Variants in PCLO observed in about 807,000 individuals in gnomAD.
PCLO encodes the protein protein piccolo.
Under a neutral mutation model 427.5 loss-of-function variants are expected in PCLO, and 82 were observed. The observed-to-expected ratio is 0.19, with a 90% CI of 0.16 to 0.23. PCLO has a LOEUF of 0.23. Ranked by LOEUF, PCLO falls within the 10% of genes least tolerant of loss-of-function variation. The pLI is 1.00. For synonymous variants in PCLO, 2,357 were observed against 2,155.4 expected, an observed-to-expected ratio of 1.09 and a Z score of -2.59; for missense variants, 6,239 against 6,115.9, an observed-to-expected ratio of 1.02 and a Z score of -0.67.
Position 83,106,052 on chromosome 7 carries a change from AAG to A in PCLO, c.3300+28196_3300+28197del, listed in dbSNP as rs1369133015. 1.1e-4 allele frequency among the ~76,000 whole-genome samples: 16 copies of A among 152,350 alleles called. No individual in the cohort carries two copies. The East Asian group carries it at 3.1e-3, about 29-fold the overall frequency. On this transcript the variant is annotated intron_variant, in intron 3 of 24. Coordinates refer to ENST00000333891, the MANE Select transcript of PCLO (RefSeq NM_033026.6). ...AGACTAGGTCATAGGACCCACACTA[AAG>A]AGATCGAGATGCAGAAGCAGCCATG...
intron 3 of PCLO, among the ~76,000 whole-genome samples, chr7:83,130,894 T>A (rs185398929): frequency 1.3e-5 from 2 of 152,348 alleles, no homozygotes; most frequent in East Asian, 3.9e-4. Context: ...AGCAAAATTA[T>A]GACTCCAGGA....
chr7:82,951,069 A>C lies in PCLO; in HGVS notation c.9519T>G (p.Leu3173=), dbSNP rs117636778. Residue 3173 remains leucine, a synonymous_variant, in exon 6 of 25, where the codon CTT becomes CTG. Transcript: ENST00000333891. ...ASLQTITMES[L]TAETIDSVPT... is the part of the protein sequence containing the mutation. ...GAACAGAGTCTATCGTCTCAGCAGT[A>C]AGAGACTCCATAGTAATAGTTTGCA... 8 of 1,613,786 alleles carry C rather than the reference A, an allele frequency of 5.0e-6. No homozygotes were observed. The South Asian group carries it at 7.7e-5, about 16-fold the overall frequency.
At chr7:82,903,634 A>T (rs576104301) in intron 8 of PCLO, among the ~76,000 whole-genome samples, 1 of 152,112 alleles carries the variant, frequency 6.6e-6, no homozygotes, top group Admixed American at 6.6e-5. Context: ...CAGAAATAGT[A>T]AGATATTTAC....
Position 83,024,845 on chromosome 7 carries a change from C to G in PCLO, c.3301-58358G>C, listed in dbSNP as rs1433613280. Reference sequence around the variant, plus strand: ...TGGGAGGCACCCCACAGCAGGGGTACACTGACACCTCACACGGCAGGGTAC... The same window carrying G: ...TGGGAGGCACCCCACAGCAGGGGTAGACTGACACCTCACACGGCAGGGTAC... On this transcript the variant is annotated intron_variant, in intron 3 of 24. Transcript: ENST00000333891. Among the ~76,000 whole-genome samples the G allele has an allele frequency of 8.5e-5, 13 of 152,130 alleles. No homozygotes were observed. In the East Asian group the frequency reaches 9.7e-4, roughly 11 times the overall value.
chr7:82,823,871 T>C (rs114428639), intron 19 of PCLO, among the ~76,000 whole-genome samples: 1,525 of 152,334 alleles, frequency 0.01, 16 homozygotes, highest in African/African-American at 0.034. Flanking sequence ...ATGATAATGA[T>C]GATTATGTCT....
intron 3 of PCLO, among the ~76,000 whole-genome samples, chr7:83,029,998 T>G (rs1788618972): frequency 7.1e-6 from 1 of 140,858 alleles, no homozygotes; most frequent in African/African-American, 2.6e-5. Flanking sequence ...CATTGGGAGA[T>G]ATACCTAATG....
intron 10 of PCLO, among the ~76,000 whole-genome samples, chr7:82,865,537 T>TAA (rs1793071536): frequency 1.3e-5 from 2 of 152,028 alleles, no homozygotes; most frequent in African/African-American, 2.4e-5. Flanking sequence ...TATACATTTA[T>TAA]ATGGTATATT....
chr7:83,026,698 C>T (rs972857333), intron 3 of PCLO, among the ~76,000 whole-genome samples: 2 of 152,070 alleles, frequency 1.3e-5, no homozygotes, highest in East Asian at 1.9e-4. Flanking sequence ...TGACCACATA[C>T]TTGGAAGTAA....
rs755764404 is a variant in PCLO at position 82,956,562 on chromosome 7, GAAATAGTAATTTCCAA to G, written c.4375_4390del (p.Leu1459GlnfsTer40). On this transcript the variant is annotated frameshift_variant, in exon 5 of 25. Transcript: ENST00000333891. LOFTEE classifies it high-confidence loss of function. ...TTGACTCTCTTTGATCTCCTCTTCT[GAAATAGTAATTTCCAA>G]GGTTTCAGATAAACTCTGAGTTTTC... 37 of 1,612,512 alleles carry G rather than the reference GAAATAGTAATTTCCAA, an allele frequency of 2.3e-5. No individual in the cohort carries two copies. In the African/African-American group the frequency reaches 4.4e-4, roughly 19 times the overall value.
chr7:82,971,764 A>T (rs1795913100), intron 3 of PCLO, among the ~76,000 whole-genome samples: 1 of 149,056 alleles, frequency 6.7e-6, no homozygotes, highest in African/African-American at 2.5e-5. Flanking sequence ...ATATATATGT[A>T]CTGAGAACAT....
intron 22 of PCLO, among the ~76,000 whole-genome samples, chr7:82,787,702 A>G (rs1562786197): frequency 6.6e-6 from 1 of 152,176 alleles, no homozygotes; most frequent in African/African-American, 2.4e-5. Context: ...TAAAACACCC[A>G]TAAACCAATG....
At chr7:83,131,234 C>T (rs73180559) in intron 3 of PCLO, among the ~76,000 whole-genome samples, 9,675 of 152,172 alleles carry the variant, frequency 0.064, 597 homozygotes, top group African/African-American at 0.16. Flanking sequence ...GTTAACGGAT[C>T]ATATTGCCAT....
chr7:83,084,643 A>G (rs190545277), intron 3 of PCLO, among the ~76,000 whole-genome samples: 2 of 152,226 alleles, frequency 1.3e-5, no homozygotes, highest in South Asian at 2.1e-4. Flanking sequence ...AGTGTACCTC[A>G]TAAGTTGTAG....
rs543690565 is a variant in PCLO at position 82,778,011 on chromosome 7, A to G, written c.15008-16518T>C. Among the ~76,000 whole-genome samples the G allele has an allele frequency of 1.2e-3, 187 of 152,342 alleles. 1 individual carries two copies. The highest frequency in any genetic ancestry group is 2.4e-3 in the Non-Finnish European group (165 of 68,022). ...GGGAGAAAATTTTTGCAAACTATGC[A>G]TCTGACAAATATCTAAATCTAATAT... On this transcript the variant is annotated intron_variant, in intron 22 of 24. Transcript: ENST00000333891.
At position 82,915,688 on chromosome 7, in the gene PCLO, A is replaced by T. The variant is rs183997649; in HGVS notation, c.12298T>A (p.Ser4100Thr). ...ACATAACTATGCAATCTAGAGGAAG[A>T]CTGTAAAGGTGCTAGGAAATCTGTC... ...EVTDFLAPLQSSSRLHSYVKA... is the reference protein window; with the variant it reads ...EVTDFLAPLQTSSRLHSYVKA... The change falls in exon 7 of 25, where the codon TCT (serine) becomes ACT (threonine). Residue 4100 changes from serine to threonine, a missense_variant. Around this residue, in one of 5 missense-constraint regions of PCLO, gnomAD observed 680 missense variants for 677.3 expected, o/e 1.00. Coordinates refer to ENST00000333891, the MANE Select transcript of PCLO (RefSeq NM_033026.6). The T allele has an allele frequency of 6.2e-7, 1 of 1,612,882 alleles. No homozygotes were observed. Among genetic ancestry groups the T allele is most frequent in the East Asian group, 2.2e-5 (1 of 44,664 alleles).
intron 3 of PCLO, among the ~76,000 whole-genome samples, chr7:83,013,366 C>T (rs1055985331): frequency 1.3e-5 from 2 of 152,102 alleles, no homozygotes; most frequent in Admixed American, 1.3e-4. Context: ...TTATATATGC[C>T]TTCTCGTATA....
intron 6 of PCLO, among the ~76,000 whole-genome samples, chr7:82,946,220 G>A (rs1317613358): frequency 6.6e-6 from 1 of 152,106 alleles, no homozygotes; most frequent in South Asian, 2.1e-4. Context: ...TAAGCAGCCA[G>A]AGTCTTTTCA....
chr7:83,024,432 C>G (rs1222977576), intron 3 of PCLO, among the ~76,000 whole-genome samples: 1 of 152,188 alleles, frequency 6.6e-6, no homozygotes, highest in Non-Finnish European at 1.5e-5. Flanking sequence ...AGATTATATC[C>G]CGCACGTGGC....
chr7:82,907,537 T>C (rs1356565939), intron 8 of PCLO, among the ~76,000 whole-genome samples: 1 of 152,038 alleles, frequency 6.6e-6, no homozygotes, highest in African/African-American at 2.4e-5. Flanking sequence ...TAGCCAGATC[T>C]ATTTGATGAG....
Sources: gnomAD v4.1 joint callset for allele counts (sites outside exome capture counted in the v4.1 genomes callset) on GRCh38, gnomAD v4.1.1 for gene constraint, gnomAD v4.1.1 regional missense constraint, MANE v1.5 for transcripts, NCBI Gene and HGNC (gene_info 2026-07-23, HGNC 2026-07-21) for gene names.